The following NCOA1 variants were observed in gnomAD, a reference collection of about 807,000 sequenced individuals.
The protein encoded by NCOA1 is Hin-2 protein.
Under a neutral mutation model 150.9 loss-of-function variants are expected in NCOA1, and 35 were observed. The ratio of observed to expected loss-of-function variants is 0.23; its 90% confidence interval spans 0.18 to 0.31. The LOEUF (loss-of-function observed/expected upper bound fraction) is 0.31. Ranked by LOEUF, NCOA1 falls within the 10% of genes least tolerant of loss-of-function variation. The pLI is 1.00. For missense variants in NCOA1, 1,491 were observed against 1,749.3 expected, an observed-to-expected ratio of 0.85 and a Z score of 2.63; for synonymous variants, 590 against 630.0, an observed-to-expected ratio of 0.94 and a Z score of 0.95.
At chr2:24,550,713 A>G (rs1359177962) in intron 1 of NCOA1, among the ~76,000 whole-genome samples, 1 of 152,244 alleles carries the variant, frequency 6.6e-6, no homozygotes, top group African/African-American at 2.4e-5. Flanking sequence ...CCTAGTAAAC[A>G]AGGGAAGGGA....
At chr2:24,685,257 C>A (rs982608844) in intron 8 of NCOA1, among the ~76,000 whole-genome samples, 5 of 152,142 alleles carry the variant, frequency 3.3e-5, no homozygotes, top group Admixed American at 3.3e-4. Context: ...TAGAAGATTT[C>A]AGTGTCTAAA....
At chr2:24,576,173 T>TTTTTTTTTTTTTTTTTTTTTTTTTTTTG (rs1558806620) in intron 2 of NCOA1, among the ~76,000 whole-genome samples, 2 of 40,954 alleles carry the variant, frequency 4.9e-5, no homozygotes, top group Non-Finnish European at 1.4e-4. Context: ...GTTTTTTGTT[T>TTTTTTTTTTTTTTTTTTTTTTTTTTTTG]TTTTTTTTTT....
chr2:24,588,531 C>T (rs1254161930), intron 3 of NCOA1, among the ~76,000 whole-genome samples: 1 of 152,270 alleles, frequency 6.6e-6, no homozygotes, highest in South Asian at 2.1e-4. Context: ...TTGTCTTTAG[C>T]CTGCTATTAT....
chr2:24,758,160 A>C lies in NCOA1; in HGVS notation c.4065+4A>C, dbSNP rs376356175. ...GAACACTGTGTGCCCTGAGCAGGTA[A>C]GTGGCACACTCGCCACACACATGCC... On this transcript the variant is annotated splice_donor_region_variant and intron_variant, in intron 21 of 22. Transcript: ENST00000348332. 6.2e-7 allele frequency: 1 copy of C among 1,605,764 alleles called. No homozygotes were observed. Among genetic ancestry groups the C allele is most frequent in the African/African-American group, 1.3e-5 (1 of 74,898 alleles).
intron 3 of NCOA1, among the ~76,000 whole-genome samples, chr2:24,590,303 C>G (rs1667603053): frequency 6.6e-6 from 1 of 152,186 alleles, no homozygotes; most frequent in South Asian, 2.1e-4. Flanking sequence ...CATATCTACT[C>G]TCAGTACTCC....
At position 24,729,548 on chromosome 2, in the gene NCOA1, A is replaced by G. The variant is rs148426754; in HGVS notation, c.2934A>G (p.Ala978=). The G allele has an allele frequency of 6.2e-7, 1 of 1,614,052 alleles. No individual in the cohort carries two copies. The highest frequency in any genetic ancestry group is 1.3e-5 in the African/African-American group (1 of 74,924). Reference sequence around the variant, plus strand: ...CAGAGAGATTTCCACCACAACAAGCAACGCCACCTTTGATCATGGAAGAAA... The same window carrying G: ...CAGAGAGATTTCCACCACAACAAGCGACGCCACCTTTGATCATGGAAGAAA... The part of the protein sequence containing the change: ...VLSERFPPQQ[A]TPPLIMEERP... Residue 978 remains alanine (A), a synonymous_variant, in exon 17 of 23, where the codon GCA becomes GCG. Coordinates refer to ENST00000348332, the MANE Select transcript of NCOA1 (RefSeq NM_003743.5).
intron 3 of NCOA1, among the ~76,000 whole-genome samples, chr2:24,590,188 A>G (rs577411009): frequency 2.0e-5 from 3 of 152,260 alleles, no homozygotes; most frequent in East Asian, 3.9e-4. Context: ...TTTCATTTTT[A>G]AACTTTACCA....
chr2:24,739,620 T>C (rs1241019408), intron 18 of NCOA1, 87 bp downstream of exon 18: 1 of 927,088 alleles, frequency 1.1e-6, no homozygotes, highest in East Asian at 2.5e-5. Context: ...TTTGAAATGG[T>C]CTGTGAGCTG....
At chr2:24,673,566 CAAAGT>C (rs1383539416) in intron 7 of NCOA1, 103 bp downstream of exon 7, 4 of 637,398 alleles carry the variant, frequency 6.3e-6, no homozygotes, top group South Asian at 4.5e-5. Flanking sequence ...AATTATAAAA[CAAAGT>C]AAAGAACTTT....
In NCOA1 at chr2:24,623,231, T is replaced by A. The variant is rs539594357; in HGVS notation, c.-174-20735T>A. Among the ~76,000 whole-genome samples the A allele has an allele frequency of 8.5e-5, 13 of 152,288 alleles. No individual in the cohort carries two copies. In the East Asian group the frequency reaches 2.5e-3, roughly 29 times the overall value. On this transcript the variant is annotated intron_variant, in intron 3 of 22. Coordinates refer to ENST00000348332, the MANE Select transcript of NCOA1 (RefSeq NM_003743.5). ...TGAATATTCAAAGGACTAAAAGAAGTTAGAGGTGGAAACTCAGAAAAGTGA... is the reference window on the plus strand; with the variant it reads ...TGAATATTCAAAGGACTAAAAGAAGATAGAGGTGGAAACTCAGAAAAGTGA...
At chr2:24,759,958 C>T (rs1204233579) in intron 21 of NCOA1, among the ~76,000 whole-genome samples, 1 of 151,414 alleles carries the variant, frequency 6.6e-6, no homozygotes, top group African/African-American at 2.4e-5. Flanking sequence ...ATAAATTCTA[C>T]TTACAAATTT....
intron 1 of NCOA1, among the ~76,000 whole-genome samples, chr2:24,548,965 G>A (rs1665718724): frequency 6.6e-6 from 1 of 152,094 alleles, no homozygotes; most frequent in African/African-American, 2.4e-5. Context: ...GAGGATGGTG[G>A]CCCTCTTCTC....
intron 1 of NCOA1, among the ~76,000 whole-genome samples, chr2:24,497,486 A>G (rs930703231): frequency 6.6e-6 from 1 of 152,110 alleles, no homozygotes; most frequent in Admixed American, 6.5e-5. Context: ...GACCTGGCCA[A>G]TATGGTGACA....
chr2:24,728,827 T>G (rs996143927), intron 16 of NCOA1, among the ~76,000 whole-genome samples: 6 of 152,226 alleles, frequency 3.9e-5, no homozygotes, highest in African/African-American at 7.2e-5. Context: ...GTTAGCCTTT[T>G]TTACACGATA....
chr2:24,634,749 T>C (rs1669866551), intron 3 of NCOA1, among the ~76,000 whole-genome samples: 3 of 102,186 alleles, frequency 2.9e-5, no homozygotes, highest in Non-Finnish European at 5.5e-5. Context: ...CCACACTCTT[T>C]CGCCTAGGCT....
chr2:24,760,306 A>ATTTTTTTT (rs70947842), intron 21 of NCOA1, among the ~76,000 whole-genome samples: 3,048 of 98,586 alleles, frequency 0.031, no homozygotes, highest in Non-Finnish European at 0.038. Flanking sequence ...TGCCCGGCTA[A>ATTTTTTTT]TTTTTTTTTT....
chr2:24,578,015 A>T (rs1055726416), intron 2 of NCOA1, among the ~76,000 whole-genome samples: 2 of 152,174 alleles, frequency 1.3e-5, no homozygotes, highest in South Asian at 4.1e-4. Context: ...TGTATTTTCC[A>T]TAGGTTTACA....
intron 3 of NCOA1, among the ~76,000 whole-genome samples, chr2:24,629,809 CATACATACATATATAT>C (rs1346979577): frequency 8.3e-4 from 81 of 97,362 alleles, no homozygotes; most frequent in African/African-American, 3.5e-3. Context: ...TTTTAAGTAA[CATACATACATATATAT>C]ATATATATAT....
At chr2:24,736,011 C>T (rs912601321) in intron 17 of NCOA1, among the ~76,000 whole-genome samples, 4 of 151,992 alleles carry the variant, frequency 2.6e-5, no homozygotes, top group Non-Finnish European at 4.4e-5. Context: ...CACCTGAGGT[C>T]GGGAGTTTGA....
Sources: allele counts gnomAD v4.1 joint callset (sites outside exome capture counted in the v4.1 genomes callset), GRCh38; gene constraint gnomAD v4.1.1; transcripts MANE v1.5; gene names NCBI Gene and HGNC (gene_info 2026-07-23, HGNC 2026-07-21).